The following IGDCC3 variants were observed in gnomAD, a reference collection of about 807,000 sequenced individuals.
IGDCC3 encodes the protein immunoglobulin superfamily DCC subclass member 3, also known as putative neuronal cell adhesion molecule.
IGDCC3 carries 47 observed loss-of-function variants against 72.0 expected under a neutral mutation model. That is an observed-to-expected ratio of 0.65 (90% confidence interval 0.52 to 0.83). The LOEUF (loss-of-function observed/expected upper bound fraction) is 0.83, where lower values mean the gene tolerates loss of function less well. IGDCC3 is among the 40% of genes least tolerant of loss of function. IGDCC3 has a pLI of 0.00. For missense variants in IGDCC3, 1,038 were observed against 1,091.3 expected (o/e 0.95, Z 0.69); for synonymous variants, 477 against 472.8 (o/e 1.01, Z -0.11).
chr15:65,349,887 G>A (rs1230943687), intron 2 of IGDCC3, among the ~76,000 whole-genome samples: 1 of 152,198 alleles, frequency 6.6e-6, no homozygotes, highest in African/African-American at 2.4e-5. Flanking sequence ...CTGTAGCTCA[G>A]TAGCTAAGGT....
chr15:65,373,732 G>C (rs2091341469), intron 2 of IGDCC3: 1 of 152,602 alleles, frequency 6.6e-6, no homozygotes, highest in Non-Finnish European at 1.5e-5. Context: ...GTAAAAGGGG[G>C]ATGATAATGA....
intron 2 of IGDCC3, among the ~76,000 whole-genome samples, chr15:65,347,840 G>A (rs963611181): frequency 3.3e-5 from 5 of 152,154 alleles, no homozygotes; most frequent in African/African-American, 1.2e-4. Context: ...CTGAGGCAAG[G>A]CAGGAGAATT....
chr15:65,344,946 T>A (rs1279487523), intron 2 of IGDCC3, among the ~76,000 whole-genome samples: 2 of 152,030 alleles, frequency 1.3e-5, no homozygotes, highest in African/African-American at 2.4e-5. Flanking sequence ...GAGAAAAGCA[T>A]CTCCTGCTCC....
chr15:65,340,732 TTTTTC>T (rs1198493625), intron 2 of IGDCC3, among the ~76,000 whole-genome samples: 1 of 151,910 alleles, frequency 6.6e-6, no homozygotes, highest in African/African-American at 2.4e-5. Context: ...TTTTCTTTCT[TTTTTC>T]TTTTGTTTTT....
chr15:65,333,463 G>A (rs374559049), intron 5 of IGDCC3, 48 bp from the exon 6 acceptor site: 15 of 1,509,840 alleles, frequency 9.9e-6, no homozygotes, highest in South Asian at 2.6e-5. Context: ...ATAGAGATAT[G>A]GAAGAAGGAA....
intron 2 of IGDCC3, among the ~76,000 whole-genome samples, chr15:65,360,062 C>T (rs1258655199): frequency 1.3e-5 from 2 of 152,180 alleles, no homozygotes; most frequent in Non-Finnish European, 2.9e-5. Flanking sequence ...TAGCCTTTCC[C>T]CACAATGTTT....
At chr15:65,337,962 G>A (rs1031522101) in intron 2 of IGDCC3, among the ~76,000 whole-genome samples, 1 of 152,198 alleles carries the variant, frequency 6.6e-6, no homozygotes, top group African/African-American at 2.4e-5. Flanking sequence ...GGGCTCCCTG[G>A]AGGCACCCAG....
At chr15:65,351,512 C>T (rs1020033503) in intron 2 of IGDCC3, among the ~76,000 whole-genome samples, 17 of 142,714 alleles carry the variant, frequency 1.2e-4, no homozygotes, top group Admixed American at 6.6e-4. Context: ...CCAGCCTGGG[C>T]GACAGAGTGA....
At chr15:65,331,333 T>C in intron 8 of IGDCC3, 79 bp downstream of exon 8, 1 of 1,565,250 alleles carries the variant, frequency 6.4e-7, no homozygotes, top group South Asian at 1.2e-5. Flanking sequence ...AAGGGAGGCA[T>C]CGGGTCACGA....
At chr15:65,349,974 G>A (rs941082447) in intron 2 of IGDCC3, among the ~76,000 whole-genome samples, 1 of 151,982 alleles carries the variant, frequency 6.6e-6, no homozygotes, top group Admixed American at 6.6e-5. Context: ...AAATATCTGC[G>A]TGACCTTGTC....
Position 65,331,072 on chromosome 15 carries a change from G to A in IGDCC3, c.1539C>T (p.Thr513=), listed in dbSNP as rs770002061. Residue 513 remains threonine (T), a synonymous_variant, in exon 9 of 14, where the codon ACC becomes ACT. Coordinates refer to ENST00000327987, the MANE Select transcript of IGDCC3 (RefSeq NM_004884.4). ...CACCTTCACCCAGGGTGCTAGCTAG[G>A]GTGGGCACAGAGGCTGAGCTGGCCC... The part of the protein sequence containing the change: ...PRGASSASVP[T]LASTLGEAPA... The A allele has an allele frequency of 1.9e-6, 3 of 1,613,930 alleles. No homozygotes were observed. Among genetic ancestry groups the A allele is most frequent in the Non-Finnish European group, 2.5e-6 (3 of 1,179,990 alleles).
In IGDCC3 at chr15:65,372,241, T is replaced by C. The variant is rs192081158; in HGVS notation, c.409+2856A>G. 2.6e-5 allele frequency among the ~76,000 whole-genome samples: 4 copies of C among 152,270 alleles called. No homozygotes were observed. In the East Asian group the frequency reaches 7.7e-4, roughly 29 times the overall value. ...AGCCGCCCTACCAGGCAGGATCACATGCACGTTTCACAGGCAAGGAAACTG... is the reference window on the plus strand; with the variant it reads ...AGCCGCCCTACCAGGCAGGATCACACGCACGTTTCACAGGCAAGGAAACTG... On this transcript the variant is annotated intron_variant, in intron 2 of 13. Coordinates refer to ENST00000327987, the MANE Select transcript of IGDCC3 (RefSeq NM_004884.4).
chr15:65,374,447 A>T (rs545378604), intron 2 of IGDCC3, among the ~76,000 whole-genome samples: 161 of 152,348 alleles, frequency 1.1e-3, no homozygotes, highest in Middle Eastern at 0.01. Flanking sequence ...ATCAAGCAGC[A>T]CAAGCAAAGC....
In IGDCC3 at chr15:65,331,223, G is replaced by GCACAA. The variant is rs1487860515; in HGVS notation, c.1397-10_1397-9insTTGTG. The stretch of plus-strand genomic sequence containing the variant: ...CTCCAGCTCCGGTGGGTCTGGAGAG[G>GCACAA]CACAGGGTGGGCAGGGGAGTGTGAA... On this transcript the variant is annotated splice_polypyrimidine_tract_variant and intron_variant, in intron 8 of 13. Transcript: ENST00000327987. 13 of 1,613,222 alleles carry GCACAA rather than the reference G, an allele frequency of 8.1e-6. No individual in the cohort carries two copies. Among genetic ancestry groups the GCACAA allele is most frequent in the Non-Finnish European group, 1.1e-5 (13 of 1,179,662 alleles).
In IGDCC3 at chr15:65,331,515, C is replaced by T. The variant is rs2090978218; in HGVS notation, c.1293G>A (p.Arg431=). The T allele has an allele frequency of 6.2e-7, 1 of 1,613,740 alleles. No individual in the cohort carries two copies. The highest frequency in any genetic ancestry group is 8.5e-7 in the Non-Finnish European group (1 of 1,179,990). Reference sequence around the variant, plus strand: ...CCTCAGTGGAAGACACAGAGACTGCCCGCACATTGCGGGGAGGCCCGGGGA... The same window carrying T: ...CCTCAGTGGAAGACACAGAGACTGCTCGCACATTGCGGGGAGGCCCGGGGA... ...EGLPGPPRNV[R]AVSVSSTEVR... is the part of the protein sequence containing the mutation. The change falls in exon 8 of 14, where the codon CGG becomes CGA. Residue 431 remains arginine, a synonymous_variant. Coordinates refer to ENST00000327987, the MANE Select transcript of IGDCC3 (RefSeq NM_004884.4).
In IGDCC3 at chr15:65,370,634, A is replaced by G. The variant is rs556409573; in HGVS notation, c.409+4463T>C. Among the ~76,000 whole-genome samples, 4 of 144,828 alleles carry G rather than the reference A, an allele frequency of 2.8e-5. No homozygotes were observed. In the South Asian group the frequency reaches 6.5e-4, roughly 23 times the overall value. On this transcript the variant is annotated intron_variant, in intron 2 of 13. Transcript: ENST00000327987. Reference sequence around the variant, plus strand: ...TATATGTATGTGTATATATATATATATATATATATATATAAAATTAGTACC... The same window carrying G: ...TATATGTATGTGTATATATATATATGTATATATATATATAAAATTAGTACC...
At chr15:65,375,609 G>C (rs1368346605) in intron 1 of IGDCC3, among the ~76,000 whole-genome samples, 1 of 152,190 alleles carries the variant, frequency 6.6e-6, no homozygotes, top group Non-Finnish European at 1.5e-5. Flanking sequence ...TTAATCATCA[G>C]ACCATCTCAG....
rs1347747690 is a variant in IGDCC3, at chr15:65,330,540, T to C, written c.1753+10A>G. 3 of 1,612,212 alleles carry C rather than the reference T, an allele frequency of 1.9e-6. No individual in the cohort carries two copies. In the Admixed American group the frequency reaches 5.0e-5, roughly 27 times the overall value. On this transcript the variant is annotated intron_variant, in intron 10 of 13. Transcript: ENST00000327987. ...CAAGCCCCCTAGGCTCTGGGCTGTG[T>C]CTGCCTCACCGAGCTGGCTGAGGTT...
intron 2 of IGDCC3, among the ~76,000 whole-genome samples, chr15:65,369,425 G>T (rs1476310035): frequency 1.3e-5 from 2 of 152,168 alleles, no homozygotes; most frequent in African/African-American, 4.8e-5. Flanking sequence ...GTCAGAAAGG[G>T]TCAGTTTGTG....
Sources: gnomAD v4.1 joint callset for allele counts (sites outside exome capture counted in the v4.1 genomes callset) on GRCh38, gnomAD v4.1.1 for gene constraint, MANE v1.5 for transcripts, NCBI Gene and HGNC (gene_info 2026-07-23, HGNC 2026-07-21) for gene names.